The following IMPG2 variants were observed in gnomAD, a reference collection of about 807,000 sequenced individuals.
IMPG2 encodes the protein IPM 200.
IMPG2 carries 91 observed loss-of-function variants against 129.2 expected under a neutral mutation model. The observed-to-expected ratio is 0.70, with a 90% CI of 0.59 to 0.84. The LOEUF is 0.84. Among genes scored for constraint, IMPG2 ranks in the 40% least tolerant of loss-of-function variants. IMPG2 has a pLI of 0.00. For missense variants in IMPG2, 1,430 were observed against 1,461.7 expected (o/e 0.98, Z 0.35); for synonymous variants, 510 against 517.7 (o/e 0.99, Z 0.20).
chr3:101,306,987 A>G (rs754692770), intron 2 of IMPG2, among the ~76,000 whole-genome samples: 12 of 152,354 alleles, frequency 7.9e-5, no homozygotes, highest in African/African-American at 2.2e-4. Flanking sequence ...CCAAATACAT[A>G]TATCTGCCAA....
At chr3:101,304,097 A>G in intron 3 of IMPG2, 49 bp downstream of exon 3, 1 of 1,599,276 alleles carries the variant, frequency 6.3e-7, no homozygotes, top group South Asian at 1.1e-5. Context: ...TAGCTGTGTA[A>G]ATGCTCCTAC....
chr3:101,301,674 T>C (rs556704955), intron 3 of IMPG2, among the ~76,000 whole-genome samples: 1 of 152,230 alleles, frequency 6.6e-6, no homozygotes, highest in Admixed American at 6.5e-5. Flanking sequence ...GGCCATTCCT[T>C]CACCCTGTCT....
Position 101,291,494 on chromosome 3 carries a change from T to G in IMPG2, c.518A>C (p.Lys173Thr). 6.2e-7 allele frequency: 1 copy of G among 1,613,154 alleles called. No homozygotes were observed. Among genetic ancestry groups the G allele is most frequent in the Non-Finnish European group, 8.5e-7 (1 of 1,179,202 alleles). Residue 173 changes from lysine (K) to threonine (T), a missense_variant, in exon 4 of 19, where the codon AAG (lysine) becomes ACG (threonine). Physicochemically the swap from Lys to Thr is moderately conservative, Grantham distance 78. Transcript: ENST00000193391. The part of the protein sequence containing the change: ...SLIMKKLTYA[K>T]ETVSSSELSS... ...AGACACTCACCTGCTTACAGTTTCC[T>G]TTGCATAAGTCAGTTTCTAAGGAAA... is the stretch of plus-strand genomic sequence containing the variant.
In IMPG2 at chr3:101,276,687, A is replaced by G; in HGVS notation, c.560T>C (p.Val187Ala). The G allele has an allele frequency of 1.2e-6, 2 of 1,610,512 alleles. No homozygotes were observed. Among genetic ancestry groups the G allele is most frequent in the South Asian group, 2.2e-5 (2 of 90,944 alleles). Residue 187 changes from valine (V) to alanine (A), a missense_variant, in exon 5 of 19, where the codon GTT (valine) becomes GCT (alanine). Physicochemically the swap from Val to Ala is moderately conservative, Grantham distance 64. Transcript: ENST00000193391. ...SSSELSSPVPVGDTSTLGDTT... is the reference protein window; with the variant it reads ...SSSELSSPVPAGDTSTLGDTT... ...ACCTCCCAATGTTGAAGTATCACCA[A>G]CAGGAACTGGAGAAGACAGTTCAGA...
intron 3 of IMPG2, among the ~76,000 whole-genome samples, chr3:101,301,630 T>C (rs1216017698): frequency 6.6e-6 from 1 of 152,218 alleles, no homozygotes; most frequent in African/African-American, 2.4e-5. Flanking sequence ...TTATTGGTCT[T>C]AGTTACCCAA....
At chr3:101,307,011 A>C (rs546295975) in intron 2 of IMPG2, among the ~76,000 whole-genome samples, 1 of 152,340 alleles carries the variant, frequency 6.6e-6, no homozygotes, top group South Asian at 2.1e-4. Context: ...ACTGGTATTT[A>C]GGGCACTGAA....
At chr3:101,280,142 C>A (rs561580683) in intron 4 of IMPG2, among the ~76,000 whole-genome samples, 3 of 152,190 alleles carry the variant, frequency 2.0e-5, no homozygotes, top group African/African-American at 7.2e-5. Context: ...CTCCTCATTT[C>A]ATCCAGCACA....
intron 9 of IMPG2, among the ~76,000 whole-genome samples, chr3:101,264,800 C>A (rs1052347449): frequency 1.3e-5 from 2 of 151,596 alleles, no homozygotes; most frequent in South Asian, 4.2e-4. Flanking sequence ...GGAGAAAAAC[C>A]CAAAGACTCC....
chr3:101,297,100 G>A (rs1424631767), intron 3 of IMPG2, among the ~76,000 whole-genome samples: 2 of 152,178 alleles, frequency 1.3e-5, no homozygotes, highest in East Asian at 1.9e-4. Flanking sequence ...AGTAGAGACA[G>A]GGTTTCACCA....
At chr3:101,282,811 C>A (rs765561024) in intron 4 of IMPG2, among the ~76,000 whole-genome samples, 2 of 152,222 alleles carry the variant, frequency 1.3e-5, no homozygotes, top group Non-Finnish European at 2.9e-5. Flanking sequence ...ACCACACCTA[C>A]CCTCGTATAG....
At chr3:101,299,779 T>C (rs1376350282) in intron 3 of IMPG2, among the ~76,000 whole-genome samples, 7 of 152,186 alleles carry the variant, frequency 4.6e-5, no homozygotes, top group Non-Finnish European at 7.4e-5. Flanking sequence ...GCCTGCTCCT[T>C]CCTCTGTGAT....
At position 101,253,791 on chromosome 3, in the gene IMPG2, G is replaced by A; in HGVS notation, c.1154-10C>T. The A allele has an allele frequency of 6.3e-7, 1 of 1,591,176 alleles. No homozygotes were observed. ...CGCAAAACTCCTCTCACTGAGGAAA[G>A]AACAATATTAAAGAACATTTTTAGA... On this transcript the variant is annotated splice_polypyrimidine_tract_variant and intron_variant, in intron 10 of 18. Transcript: ENST00000193391.
chr3:101,284,771 T>C (rs74960909), intron 4 of IMPG2, among the ~76,000 whole-genome samples: 3,153 of 152,242 alleles, frequency 0.021, 111 homozygotes, highest in African/African-American at 0.072. Flanking sequence ...GTTACCATCA[T>C]CTCCTGCAGC....
intron 9 of IMPG2, among the ~76,000 whole-genome samples, chr3:101,264,939 T>C (rs1706707068): frequency 1.3e-5 from 2 of 151,810 alleles, no homozygotes; most frequent in African/African-American, 2.4e-5. Context: ...GGCAATCCCA[T>C]TTACAATAGC....
intron 10 of IMPG2, among the ~76,000 whole-genome samples, chr3:101,254,923 C>T (rs1436934930): frequency 6.6e-6 from 1 of 151,918 alleles, no homozygotes; most frequent in Non-Finnish European, 1.5e-5. Context: ...CTCTCTCTGT[C>T]TCTTTCTCTC....
chr3:101,320,308 CCTT>C lies in IMPG2; in HGVS notation c.62_64del (p.Glu21del), dbSNP rs2058805195. ...AATACCTGTTAATGATGGAAAGTCT[CCTT>C]CTATCAGGACAAATATCAAAATACC... On this transcript the variant is annotated inframe_deletion, in exon 1 of 19. Coordinates refer to ENST00000193391, the MANE Select transcript of IMPG2 (RefSeq NM_016247.4). 1.9e-6 allele frequency: 3 copies of C among 1,591,868 alleles called. No individual in the cohort carries two copies. Among genetic ancestry groups the C allele is most frequent in the African/African-American group, 2.7e-5 (2 of 74,332 alleles).
intron 2 of IMPG2, among the ~76,000 whole-genome samples, chr3:101,307,220 T>TG (rs1232093540): frequency 3.3e-5 from 5 of 152,224 alleles, no homozygotes; most frequent in Non-Finnish European, 7.3e-5. Flanking sequence ...AATTTTTACA[T>TG]GGACAACACC....
chr3:101,271,943 T>C (rs1016836921), intron 7 of IMPG2, among the ~76,000 whole-genome samples: 6 of 152,170 alleles, frequency 3.9e-5, no homozygotes, highest in African/African-American at 1.4e-4. Flanking sequence ...AAGTCGCCTG[T>C]GGAGCATAAG....
intron 3 of IMPG2, among the ~76,000 whole-genome samples, chr3:101,299,789 T>C (rs1707120542): frequency 6.6e-6 from 1 of 152,146 alleles, no homozygotes; most frequent in South Asian, 2.1e-4. Flanking sequence ...TCCTCTGTGA[T>C]CTCTGACCTC....
Sources: allele counts gnomAD v4.1 joint callset (sites outside exome capture counted in the v4.1 genomes callset), GRCh38; gene constraint gnomAD v4.1.1; transcripts MANE v1.5; gene names NCBI Gene and HGNC (gene_info 2026-07-23, HGNC 2026-07-21).